DYSF: variants seen among roughly 807,000 people sequenced by gnomAD.
DYSF encodes dysferlin.
DYSF carries 212 observed loss-of-function variants against 274.9 expected under a neutral mutation model. The ratio of observed to expected loss-of-function variants is 0.77; its 90% CI spans 0.69 to 0.86. The LOEUF is 0.86. DYSF is among the 40% of genes least tolerant of loss of function. The pLI is 0.00. For synonymous variants in DYSF, 1,091 were observed against 1,078.7 expected (o/e 1.01, Z -0.22); for missense variants, 2,666 against 2,783.2 (o/e 0.96, Z 0.95).
rs143355224 is a variant in DYSF at position 71,528,350 on chromosome 2, C to T, written c.1329C>T (p.Asn443=). The T allele has an allele frequency of 6.2e-6, 10 of 1,614,188 alleles. No homozygotes were observed. The highest frequency in any genetic ancestry group is 7.6e-6 in the Non-Finnish European group (9 of 1,180,040). The change falls in exon 14 of 56, where the codon AAC becomes AAT. Residue 443 remains asparagine (N), a synonymous_variant. Transcript: ENST00000410020. ...NVKQIFGFES[N]KKNLVDPFVE... The stretch of plus-strand genomic sequence containing the variant: ...AACAGATCTTTGGCTTCGAGAGTAA[C>T]AAGAAGAACTTGGTGGACCCCTTTG...
Position 71,550,942 on chromosome 2 carries a change from A to T in DYSF, c.1577-99A>T, listed in dbSNP as rs542138231. ...CTGCATCTGGTGCATGTGGGGGGGAACTGAGGGCCAGGGGTGGGCTCAGGT... is the reference window on the plus strand; with the variant it reads ...CTGCATCTGGTGCATGTGGGGGGGATCTGAGGGCCAGGGGTGGGCTCAGGT... On this transcript the variant is annotated intron_variant, in intron 17 of 55. Transcript: ENST00000410020. The T allele has an allele frequency of 3.9e-4, 383 of 974,126 alleles. 3 individuals are homozygous for T. In the African/African-American group the frequency reaches 5.5e-3, roughly 14 times the overall value. The allele number at this position is 974,126 out of a possible 1,614,324, so 60.3% of individuals were successfully genotyped here.
chr2:71,592,821 C>T (rs1201455326), intron 32 of DYSF, among the ~76,000 whole-genome samples: 2 of 152,322 alleles, frequency 1.3e-5, no homozygotes, highest in East Asian at 1.9e-4. Context: ...CGGGGCTGCC[C>T]GGACATTGGG....
At chr2:71,570,567 A>G (rs1574061539) in intron 28 of DYSF, 32 bp from the exon 29 acceptor site, 16 of 1,611,512 alleles carry the variant, frequency 9.9e-6, no homozygotes, top group African/African-American at 9.3e-5. Context: ...GGGAACTGCC[A>G]AGCAATGAGT....
chr2:71,474,849 AAT>A (rs2082285655), intron 1 of DYSF, among the ~76,000 whole-genome samples: 2 of 152,186 alleles, frequency 1.3e-5, no homozygotes, highest in African/African-American at 4.8e-5. Flanking sequence ...AGCACCAGGA[AAT>A]GAGTTTCCAA....
intron 30 of DYSF, among the ~76,000 whole-genome samples, chr2:71,584,720 T>C (rs1183066044): frequency 6.6e-6 from 1 of 152,158 alleles, no homozygotes; most frequent in Non-Finnish European, 1.5e-5. Context: ...CTTGCCTGCA[T>C]ACATGGAGGG....
intron 3 of DYSF, among the ~76,000 whole-genome samples, chr2:71,498,391 G>A (rs1173837857): frequency 6.6e-6 from 1 of 152,242 alleles, no homozygotes. Flanking sequence ...ACAGGAAGTT[G>A]AGGCTGTCCT....
At chr2:71,461,467 G>C (rs2081283298) in intron 1 of DYSF, among the ~76,000 whole-genome samples, 1 of 152,208 alleles carries the variant, frequency 6.6e-6, no homozygotes, top group Admixed American at 6.5e-5. Context: ...CGAGGCACCG[G>C]AGCTAGAGCT....
chr2:71,620,589 T>C lies in DYSF; in HGVS notation c.4507T>C (p.Ser1503Pro). Residue 1503 changes from serine (S) to proline (P), a missense_variant, in exon 41 of 56, where the codon TCT (serine) becomes CCT (proline). Ser to Pro is a moderately conservative substitution (Grantham distance 74, BLOSUM62 -1). Around this residue, in one of 3 missense-constraint regions of DYSF, gnomAD observed 1,460 missense variants for 1,502.1 expected, o/e 0.97. Coordinates refer to ENST00000410020, the MANE Select transcript of DYSF (RefSeq NM_001130987.2). The part of the protein sequence containing the change: ...LSSLAPTNTA[S>P]PPSSPHEEEF... ...GAGCTTGGCCCCCACTAACACGGCT[T>C]CTCCTCCATCCAGTCCTCATGTATG... 1 of 1,551,458 alleles carries C rather than the reference T, an allele frequency of 6.4e-7. No homozygotes were observed. The highest frequency in any genetic ancestry group is 8.7e-7 in the Non-Finnish European group (1 of 1,146,952).
At position 71,569,843 on chromosome 2, in the gene DYSF, G is replaced by C. The variant is rs764369624; in HGVS notation, c.2888G>C (p.Gly963Ala). The change falls in exon 27 of 56, where the codon GGT becomes GCT. Residue 963 changes from glycine (G) to alanine (A), a missense_variant. Coordinates refer to ENST00000410020, the MANE Select transcript of DYSF (RefSeq NM_001130987.2). Reference sequence around the variant, plus strand: ...AGTCTGCTCCATGACATGGACGCCGGTCACCTGAGCTTCGTGGAAGAGGTG... The same window carrying C: ...AGTCTGCTCCATGACATGGACGCCGCTCACCTGAGCTTCGTGGAAGAGGTG... ...EKTLLHDMDA[G>A]HLSFVEEVFE... 19 of 1,614,064 alleles carry C rather than the reference G, an allele frequency of 1.2e-5. 1 individual carries two copies. In the East Asian group the frequency reaches 4.2e-4, roughly 36 times the overall value.
chr2:71,509,385 A>C (rs867650474), intron 4 of DYSF, among the ~76,000 whole-genome samples: 1 of 148,528 alleles, frequency 6.7e-6, no homozygotes, highest in Non-Finnish European at 1.5e-5. Context: ...CTGGTTTTGA[A>C]CTCTGGGCTC....
chr2:71,686,291 C>T (rs560332448), intron 55 of DYSF, among the ~76,000 whole-genome samples, 163 bp from the exon 56 acceptor site: 5 of 152,258 alleles, frequency 3.3e-5, no homozygotes, highest in Admixed American at 6.5e-5. Flanking sequence ...GTGGTGAGGG[C>T]GAGGCGTGGG....
In DYSF at chr2:71,516,890, A is replaced by G. The variant is rs531173879; in HGVS notation, c.952-99A>G. 1.2e-4 allele frequency: 123 copies of G among 1,056,540 alleles called. 1 individual carries two copies. In the East Asian group the frequency reaches 2.6e-3, roughly 22 times the overall value. 65.4% of individuals were successfully genotyped at this position (1,056,540 alleles called of 1,614,324 possible). On this transcript the variant is annotated intron_variant, in intron 9 of 55. Coordinates refer to ENST00000410020, the MANE Select transcript of DYSF (RefSeq NM_001130987.2). ...AGTCTCTGGAATTGAGTAAGTGTGA[A>G]GTGTTGGCAGTTATTGTTTGGGAGG...
intron 32 of DYSF, among the ~76,000 whole-genome samples, chr2:71,598,274 C>T (rs564334826): frequency 6.6e-6 from 1 of 152,350 alleles, no homozygotes; most frequent in South Asian, 2.1e-4. Flanking sequence ...CCAGCTGGAC[C>T]CTGCTTCCAG....
At chr2:71,663,900 G>A (rs1356106482) in intron 45 of DYSF, among the ~76,000 whole-genome samples, 4 of 152,062 alleles carry the variant, frequency 2.6e-5, no homozygotes. Context: ...GGTACCAGTC[G>A]TCGGTAAATT....
intron 3 of DYSF, 140 bp downstream of exon 3, chr2:71,482,110 G>C: frequency 1.5e-6 from 1 of 689,092 alleles, no homozygotes; most frequent in South Asian, 1.8e-5. Flanking sequence ...GACTGGCCCA[G>C]TGATAGATGT....
rs2087206092 is a variant in DYSF, at chr2:71,520,985, T to C, written c.1149+81T>C. 10 of 1,173,314 alleles carry C rather than the reference T, an allele frequency of 8.5e-6. No homozygotes were observed. The South Asian group carries it at 1.2e-4, about 14-fold the overall frequency. 72.7% of individuals were successfully genotyped at this position (1,173,314 alleles called of 1,614,324 possible). On this transcript the variant is annotated intron_variant, in intron 12 of 55. Transcript: ENST00000410020. Reference sequence around the variant, plus strand: ...GAGGCACCAAACCACAAACAAAAACTCTATTTTTTTTTCTGATTTAAACTA... The same window carrying C: ...GAGGCACCAAACCACAAACAAAAACCCTATTTTTTTTTCTGATTTAAACTA...
chr2:71,527,659 T>C (rs1049489780), intron 13 of DYSF, among the ~76,000 whole-genome samples: 2 of 152,226 alleles, frequency 1.3e-5, no homozygotes, highest in Admixed American at 1.3e-4. Context: ...TTTGTATTCA[T>C]GTAGTTATTA....
intron 41 of DYSF, among the ~76,000 whole-genome samples, chr2:71,642,004 G>C (rs1472543601): frequency 6.6e-6 from 1 of 152,156 alleles, no homozygotes; most frequent in East Asian, 1.9e-4. Context: ...AGTTGTCACT[G>C]TTAATGGTAT....
intron 12 of DYSF, among the ~76,000 whole-genome samples, chr2:71,523,517 C>T (rs541158388): frequency 2.9e-4 from 44 of 151,316 alleles, no homozygotes; most frequent in South Asian, 8.4e-4. Context: ...TTATACTTCA[C>T]CTATCCCCAC....
Sources: allele counts gnomAD v4.1 joint callset (sites outside exome capture counted in the v4.1 genomes callset), GRCh38; gene constraint gnomAD v4.1.1; regional missense constraint gnomAD v4.1.1; transcripts MANE v1.5; gene names NCBI Gene and HGNC (gene_info 2026-07-23, HGNC 2026-07-21).